The following DLG2 variants were observed in gnomAD, a reference collection of about 807,000 sequenced individuals.
DLG2 encodes disks large homolog 2.
In DLG2, 45 loss-of-function variants were observed where a neutral mutation model predicts 132.5. The observed-to-expected ratio is 0.34, with a 90% CI of 0.27 to 0.44. DLG2 has a LOEUF of 0.44. Ranked by LOEUF, DLG2 falls within the 20% of genes least tolerant of loss-of-function variation. The pLI is 1.00. For missense variants in DLG2, 1,045 were observed against 1,196.9 expected (o/e 0.87, Z 1.87); for synonymous variants, 424 against 419.6 (o/e 1.01, Z -0.13).
intron 2 of DLG2, among the ~76,000 whole-genome samples, chr11:85,623,368 A>G (rs1245248956): frequency 6.6e-6 from 1 of 152,036 alleles, no homozygotes; most frequent in Non-Finnish European, 1.5e-5. Context: ...GCAGCGGCAC[A>G]GTCTTACCTC....
intron 4 of DLG2, among the ~76,000 whole-genome samples, chr11:85,234,977 CTATA>C (rs1245191257): frequency 2.6e-5 from 4 of 151,888 alleles, no homozygotes; most frequent in Non-Finnish European, 5.9e-5. Context: ...ATCTATCTCT[CTATA>C]TAATCATTCA....
At chr11:85,045,451 G>T (rs2062247764) in intron 6 of DLG2, among the ~76,000 whole-genome samples, 1 of 151,956 alleles carries the variant, frequency 6.6e-6, no homozygotes, top group African/African-American at 2.4e-5. Flanking sequence ...TGCTTTTGTG[G>T]TAGTTAAACT....
intron 6 of DLG2, among the ~76,000 whole-genome samples, chr11:85,043,820 C>T (rs1170318820): frequency 1.3e-5 from 2 of 151,676 alleles, no homozygotes; most frequent in Non-Finnish European, 2.9e-5. Flanking sequence ...TTCAGCTTAC[C>T]CAAATATGTG....
intron 5 of DLG2, among the ~76,000 whole-genome samples, chr11:85,137,451 T>C (rs907052032): frequency 1.3e-5 from 2 of 152,122 alleles, no homozygotes; most frequent in Admixed American, 1.3e-4. Context: ...GTTATTTCCG[T>C]CTCATCACAC....
intron 6 of DLG2, among the ~76,000 whole-genome samples, chr11:84,724,024 T>A (rs1247511124): frequency 6.6e-6 from 1 of 152,156 alleles, no homozygotes; most frequent in African/African-American, 2.4e-5. Flanking sequence ...TAGCTAGTTA[T>A]GCATCTTTTT....
intron 4 of DLG2, among the ~76,000 whole-genome samples, chr11:85,264,053 G>C (rs2077080696): frequency 6.6e-6 from 1 of 152,140 alleles, no homozygotes; most frequent in African/African-American, 2.4e-5. Context: ...GTTATGTGTA[G>C]AGCAAGGTAT....
At chr11:84,272,294 A>G (rs1221083254) in intron 7 of DLG2, 1 of 440,510 alleles carries the variant, frequency 2.3e-6, no homozygotes, top group Admixed American at 2.4e-5. Context: ...AGGAAGATTT[A>G]TTCCAACTGT....
intron 6 of DLG2, among the ~76,000 whole-genome samples, chr11:85,029,258 G>A (rs1289864049): frequency 6.6e-6 from 1 of 151,298 alleles, no homozygotes; most frequent in African/African-American, 2.4e-5. Context: ...AACGTAAACT[G>A]CCATGGCTAA....
At chr11:84,702,984 T>G (rs1445189156) in intron 6 of DLG2, among the ~76,000 whole-genome samples, 1 of 151,690 alleles carries the variant, frequency 6.6e-6, no homozygotes, top group Non-Finnish European at 1.5e-5. Flanking sequence ...AGAATCAACT[T>G]TTTCCTACAG....
intron 6 of DLG2, among the ~76,000 whole-genome samples, chr11:84,620,354 C>T (rs2063718965): frequency 6.6e-6 from 1 of 151,730 alleles, no homozygotes; most frequent in Admixed American, 6.6e-5. Flanking sequence ...AGTTTTATAT[C>T]TTTATGATCT....
intron 3 of DLG2, among the ~76,000 whole-genome samples, chr11:85,318,873 A>G (rs1412519315): frequency 6.6e-6 from 1 of 151,804 alleles, no homozygotes; most frequent in Non-Finnish European, 1.5e-5. Context: ...CTATGGATTC[A>G]AGGTATCAAA....
chr11:84,543,520 A>C (rs1354217776), intron 6 of DLG2, among the ~76,000 whole-genome samples: 1 of 151,918 alleles, frequency 6.6e-6, no homozygotes, highest in Non-Finnish European at 1.5e-5. Flanking sequence ...CACTGAACTA[A>C]CCGTCCCCGC....
chr11:84,109,255 G>C (rs1012566944), intron 9 of DLG2, among the ~76,000 whole-genome samples: 1 of 152,144 alleles, frequency 6.6e-6, no homozygotes, highest in Non-Finnish European at 1.5e-5. Flanking sequence ...TCAGGAAAAA[G>C]TTCTAAGCAA....
intron 3 of DLG2, among the ~76,000 whole-genome samples, chr11:85,292,899 T>A (rs752568644): frequency 1.3e-5 from 2 of 151,604 alleles, no homozygotes; most frequent in South Asian, 4.2e-4. Flanking sequence ...AAATTATGAG[T>A]CTAGTACATC....
intron 3 of DLG2, among the ~76,000 whole-genome samples, chr11:85,457,209 T>G (rs933779087): frequency 6.7e-5 from 10 of 150,310 alleles, no homozygotes; most frequent in Non-Finnish European, 1.3e-4. Flanking sequence ...TTATCTTTGT[T>G]GGGCTTAAAG....
At chr11:84,113,233 TA>T (rs2093455259) in intron 9 of DLG2, among the ~76,000 whole-genome samples, 1 of 152,210 alleles carries the variant, frequency 6.6e-6, no homozygotes, top group South Asian at 2.1e-4. Context: ...TTTGAGTCCA[TA>T]ACTTTATAAT....
chr11:85,216,173 G>A (rs2082581125), intron 4 of DLG2, among the ~76,000 whole-genome samples: 1 of 152,056 alleles, frequency 6.6e-6, no homozygotes, highest in African/African-American at 2.4e-5. Flanking sequence ...TAATGGTAAG[G>A]AAAGAAAGTT....
rs2050056104 is a variant in DLG2, at chr11:84,945,296, T to C, written c.357+166365A>G. Among the ~76,000 whole-genome samples the C allele has an allele frequency of 5.9e-5, 9 of 152,340 alleles. No homozygotes were observed. The South Asian group carries it at 1.9e-3, about 32-fold the overall frequency. The stretch of plus-strand genomic sequence containing the variant: ...CCCAACCCCAAGCCCAAGAACGCTG[T>C]GAGTCTTGCAGACCTGTAGAGGTAA... On this transcript the variant is annotated intron_variant, in intron 6 of 27. Transcript: ENST00000376104.
intron 3 of DLG2, among the ~76,000 whole-genome samples, chr11:85,296,574 G>C (rs1356895612): frequency 6.8e-6 from 1 of 147,368 alleles, no homozygotes; most frequent in African/African-American, 2.5e-5. Context: ...AATACCAAAA[G>C]CTTAGTCCCC....
Sources: allele counts gnomAD v4.1 joint callset (sites outside exome capture counted in the v4.1 genomes callset), GRCh38; gene constraint gnomAD v4.1.1; transcripts MANE v1.5; gene names NCBI Gene and HGNC (gene_info 2026-07-23, HGNC 2026-07-21).